Variants in SERTAD4 observed in about 807,000 individuals in gnomAD.
The protein encoded by SERTAD4 is SERTA domain-containing protein 4.
SERTAD4 carries 18 observed loss-of-function variants against 32.9 expected under a neutral mutation model. That is an observed-to-expected ratio of 0.55 (90% CI 0.38 to 0.81). The LOEUF is 0.81. Among genes scored for constraint, SERTAD4 ranks in the 30% least tolerant of loss-of-function variants. The pLI, the probability that SERTAD4 is intolerant of heterozygous loss-of-function variation, is 0.00. For synonymous variants in SERTAD4, 150 were observed against 156.4 expected (o/e 0.96, Z 0.30); for missense variants, 383 against 426.0 (o/e 0.90, Z 0.89).
At chr1:210,237,301 G>C (rs1012498671) in intron 1 of SERTAD4, 1 of 152,572 alleles carries the variant, frequency 6.6e-6, no homozygotes, top group Non-Finnish European at 1.5e-5. Flanking sequence ...AGGCCGATCA[G>C]GGCTGGTGGA....
Position 210,242,530 on chromosome 1 carries a change from G to T in SERTAD4, c.*193G>T. On this transcript the variant is annotated 3_prime_UTR_variant, in exon 4 of 4. Transcript: ENST00000367012. The surrounding 1 kb of genome is among the most constrained non-coding windows in gnomAD (Gnocchi z 4.0). The stretch of plus-strand genomic sequence containing the variant: ...AGGCATCAGCGAGCTTCTTATAAAT[G>T]TGGTGATTTTTACCAAGGAAACGAT... The T allele has an allele frequency of 4.5e-6, 6 of 1,328,076 alleles. No homozygotes were observed. The highest frequency in any genetic ancestry group is 5.7e-6 in the Non-Finnish European group (6 of 1,046,848). The allele number at this position is 1,328,076 out of a possible 1,614,324, so 82.3% of individuals were successfully genotyped here.
intron 1 of SERTAD4, chr1:210,233,996 A>T (rs575989482): frequency 6.0e-4 from 216 of 362,612 alleles, no homozygotes; most frequent in African/African-American, 2.1e-3. Context: ...TTTTTTTTTA[A>T]AAAAAAAAAA....
Position 210,234,091 on chromosome 1 carries a change from G to T in SERTAD4, c.-18+1080G>T, listed in dbSNP as rs1355663341. 7 of 289,044 alleles carry T rather than the reference G, an allele frequency of 2.4e-5. No homozygotes were observed. In the Admixed American group the frequency reaches 2.8e-4, roughly 12 times the overall value. 17.9% of individuals were successfully genotyped at this position (289,044 alleles called of 1,614,324 possible). ...CACCGTAGAAAGACAACTTGCCTTT[G>T]TTCCCGGACACTTGGGGTGTTGTTT... is the stretch of plus-strand genomic sequence containing the variant. On this transcript the variant is annotated intron_variant, in intron 1 of 3. Transcript: ENST00000367012.
rs2084043712 is a variant in SERTAD4 at position 210,245,830 on chromosome 1, A to G, written c.*3493A>G. On this transcript the variant is annotated 3_prime_UTR_variant, in exon 4 of 4. Coordinates refer to ENST00000367012, the MANE Select transcript of SERTAD4 (RefSeq NM_019605.5). ...GAGCAGAGGACAACTTGTAGAAGAC[A>G]TGACCATTAAGAGACATCAACTTCG... The G allele has an allele frequency of 1.0e-6, 1 of 985,424 alleles. No homozygotes were observed. The highest frequency in any genetic ancestry group is 4.7e-5 in the South Asian group (1 of 21,292). The allele number at this position is 985,424 out of a possible 1,614,324, so 61.0% of individuals were successfully genotyped here.
rs1273440507 is a variant in SERTAD4, at chr1:210,244,397, T to C, written c.*2060T>C. ...TTTCTGGAGTGTCTCTGAAAAAAAT[T>C]GTATAACACGAAGCCATAAATACTG... is the stretch of plus-strand genomic sequence containing the variant. On this transcript the variant is annotated 3_prime_UTR_variant, in exon 4 of 4. Coordinates refer to ENST00000367012, the MANE Select transcript of SERTAD4 (RefSeq NM_019605.5). 2 of 152,168 alleles carry C rather than the reference T, an allele frequency of 1.3e-5. No individual in the cohort carries two copies. Among genetic ancestry groups the C allele is most frequent in the Admixed American group, 1.3e-4 (2 of 15,276 alleles). The allele number at this position is 152,168 out of a possible 1,614,324, so 9.4% of individuals were successfully genotyped here.
chr1:210,237,920 T>TG, intron 1 of SERTAD4, 24 bp from the exon 2 acceptor site: 5 of 1,524,840 alleles, frequency 3.3e-6, no homozygotes, highest in Non-Finnish European at 4.5e-6. Flanking sequence ...TCTTCATTCT[T>TG]GTTTTTTTTT....
At chr1:210,233,309 C>T (rs1019609258) in intron 1 of SERTAD4, among the ~76,000 whole-genome samples, 1 of 151,964 alleles carries the variant, frequency 6.6e-6, no homozygotes, top group Non-Finnish European at 1.5e-5. Flanking sequence ...TAGGGCTGCT[C>T]GGGCTGCCAC....
At position 210,245,947 on chromosome 1, in the gene SERTAD4, G is replaced by A. The variant is rs974395428; in HGVS notation, c.*3610G>A. 1 of 984,392 alleles carries A rather than the reference G, an allele frequency of 1.0e-6. No individual in the cohort carries two copies. Among genetic ancestry groups the A allele is most frequent in the Non-Finnish European group, 1.2e-6 (1 of 829,166 alleles). The allele number at this position is 984,392 out of a possible 1,614,324, so 61.0% of individuals were successfully genotyped here. On this transcript the variant is annotated 3_prime_UTR_variant, in exon 4 of 4. Coordinates refer to ENST00000367012, the MANE Select transcript of SERTAD4 (RefSeq NM_019605.5). ...CAAATGGTGAGCAGGAGACTTTTTT[G>A]GAAATAATTAGTTGTGAAATTCCAT...
rs1318337492 is a variant in SERTAD4 at position 210,244,847 on chromosome 1, A to G, written c.*2510A>G. The G allele has an allele frequency of 6.6e-6, 1 of 152,156 alleles. No homozygotes were observed. The highest frequency in any genetic ancestry group is 1.5e-5 in the Non-Finnish European group (1 of 68,020). 9.4% of individuals were successfully genotyped at this position (152,156 alleles called of 1,614,324 possible). A position where few individuals can be genotyped will look rare whatever the true frequency, so the allele number is the denominator to read the frequency against. On this transcript the variant is annotated 3_prime_UTR_variant, in exon 4 of 4. Transcript: ENST00000367012. ...TGATGCCTTTGAATCCAGCAGCATAAAAATCTGTTCTTTTTAGTCATCAAG... is the reference window on the plus strand; with the variant it reads ...TGATGCCTTTGAATCCAGCAGCATAGAAATCTGTTCTTTTTAGTCATCAAG...
Position 210,232,902 on chromosome 1 carries a change from G to C in SERTAD4, c.-127G>C, listed in dbSNP as rs1207651749. The C allele has an allele frequency of 1.3e-4, 19 of 149,212 alleles. No homozygotes were observed. Among genetic ancestry groups the C allele is most frequent in the Admixed American group, 1.3e-3 (19 of 15,040 alleles). 9.2% of individuals were successfully genotyped at this position (149,212 alleles called of 1,614,324 possible). A position where few individuals can be genotyped will look rare whatever the true frequency, so the allele number is the denominator to read the frequency against. On this transcript the variant is annotated 5_prime_UTR_variant, in exon 1 of 4. Coordinates refer to ENST00000367012, the MANE Select transcript of SERTAD4 (RefSeq NM_019605.5). ...CACCCGCAGTCACCGCCGAGCGGGCGGCCGGGCCGGGACCCGCGAGTGTGC... is the reference window on the plus strand; with the variant it reads ...CACCCGCAGTCACCGCCGAGCGGGCCGCCGGGCCGGGACCCGCGAGTGTGC...
chr1:210,242,443 C>T lies in SERTAD4; in HGVS notation c.*106C>T, dbSNP rs2147850172. On this transcript the variant is annotated 3_prime_UTR_variant, in exon 4 of 4. Coordinates refer to ENST00000367012, the MANE Select transcript of SERTAD4 (RefSeq NM_019605.5). This position sits in a 1 kb window ranked among gnomAD's most constrained non-coding sequence, Gnocchi z 4.0. ...GTTTTGTACAACAGATAAAATTATG[C>T]CATGAACATGCCATGTCGTTTTAAT... The T allele has an allele frequency of 6.8e-7, 1 of 1,468,416 alleles. No homozygotes were observed. Among genetic ancestry groups the T allele is most frequent in the Non-Finnish European group, 9.0e-7 (1 of 1,114,848 alleles). 91.0% of individuals were successfully genotyped at this position (1,468,416 alleles called of 1,614,324 possible).
In SERTAD4 at chr1:210,237,955, TC is replaced by T; in HGVS notation, c.-5del. The T allele has an allele frequency of 1.2e-6, 2 of 1,607,454 alleles. No homozygotes were observed. Among genetic ancestry groups the T allele is most frequent in the Non-Finnish European group, 1.7e-6 (2 of 1,175,852 alleles). ...TTTTTTCTTTTCAGATCTGAGGCTGTCAGAGATGACTCTGGTTCTGTCCATG... is the reference window on the plus strand; with the variant it reads ...TTTTTTCTTTTCAGATCTGAGGCTGTAGAGATGACTCTGGTTCTGTCCATG... On this transcript the variant is annotated 5_prime_UTR_variant, in exon 2 of 4. Coordinates refer to ENST00000367012, the MANE Select transcript of SERTAD4 (RefSeq NM_019605.5).
chr1:210,243,226 C>T lies in SERTAD4; in HGVS notation c.*889C>T, dbSNP rs752462775. On this transcript the variant is annotated 3_prime_UTR_variant, in exon 4 of 4. Transcript: ENST00000367012. ...TTTGATGCCCAATTGCTTTTGGATTCGCCGTTTTTTCAATAGGGATGGAGG... is the reference window on the plus strand; with the variant it reads ...TTTGATGCCCAATTGCTTTTGGATTTGCCGTTTTTTCAATAGGGATGGAGG... 19 of 790,948 alleles carry T rather than the reference C, an allele frequency of 2.4e-5. No individual in the cohort carries two copies. The highest frequency in any genetic ancestry group is 1.3e-4 in the East Asian group (1 of 7,728). The allele number at this position is 790,948 out of a possible 1,614,324, so 49.0% of individuals were successfully genotyped here. A position where few individuals can be genotyped will look rare whatever the true frequency, so the allele number is the denominator to read the frequency against.
Position 210,245,143 on chromosome 1 carries a change from G to A in SERTAD4, c.*2806G>A, listed in dbSNP as rs938346304. The A allele has an allele frequency of 1.3e-4, 20 of 152,172 alleles. No homozygotes were observed. The highest frequency in any genetic ancestry group is 4.3e-4 in the African/African-American group (18 of 41,418). The allele number at this position is 152,172 out of a possible 1,614,324, so 9.4% of individuals were successfully genotyped here. A position where few individuals can be genotyped will look rare whatever the true frequency, so the allele number is the denominator to read the frequency against. ...ATCTCGAGCAACTTGGAAAAGCTAA[G>A]ACATCCTCCACCCACACTGGTATCT... is the stretch of plus-strand genomic sequence containing the variant. On this transcript the variant is annotated 3_prime_UTR_variant, in exon 4 of 4. Transcript: ENST00000367012.
In SERTAD4 at chr1:210,242,687, A is replaced by G. The variant is rs972922324; in HGVS notation, c.*350A>G. 1.6e-5 allele frequency: 17 copies of G among 1,033,804 alleles called. No individual in the cohort carries two copies. The highest frequency in any genetic ancestry group is 2.0e-5 in the Non-Finnish European group (17 of 862,680). The allele number at this position is 1,033,804 out of a possible 1,614,324, so 64.0% of individuals were successfully genotyped here. ...CTGTCACTAGCTAAGAAATTTCTAC[A>G]TGTTTGCCAGTTAATTAGGGAGTTA... On this transcript the variant is annotated 3_prime_UTR_variant, in exon 4 of 4. Coordinates refer to ENST00000367012, the MANE Select transcript of SERTAD4 (RefSeq NM_019605.5). The surrounding 1 kb of genome is among the most constrained non-coding windows in gnomAD (Gnocchi z 4.0).
At chr1:210,233,993 T>A (rs200920236) in intron 1 of SERTAD4, 16,020 of 280,168 alleles carry the variant, frequency 0.057, 179 homozygotes, top group East Asian at 0.087. Flanking sequence ...GGTTTTTTTT[T>A]TAAAAAAAAA....
intron 1 of SERTAD4, chr1:210,233,902 C>T (rs2083912686): frequency 2.2e-6 from 1 of 445,054 alleles, no homozygotes; most frequent in Non-Finnish European, 4.6e-6. Context: ...CCGGGCCAGC[C>T]CCGCCAGAGC....
chr1:210,236,962 G>A (rs373548521), intron 1 of SERTAD4, among the ~76,000 whole-genome samples: 11 of 152,300 alleles, frequency 7.2e-5, no homozygotes, highest in African/African-American at 2.4e-4. Flanking sequence ...CCATGAAAGC[G>A]GCCTCACTGC....
intron 1 of SERTAD4, 30 bp downstream of exon 1, chr1:210,233,041 G>C (rs920409129): frequency 2.0e-5 from 3 of 151,322 alleles, no homozygotes; most frequent in Non-Finnish European, 4.4e-5. Flanking sequence ...CGGGCCGCGG[G>C]GGCGGGAGGG....
Sources: allele counts gnomAD v4.1 joint callset (sites outside exome capture counted in the v4.1 genomes callset), GRCh38; gene constraint gnomAD v4.1.1; non-coding constraint Gnocchi (gnomAD v3.1); transcripts MANE v1.5; gene names NCBI Gene and HGNC (gene_info 2026-07-23, HGNC 2026-07-21).